Variants in UNC5A observed in about 807,000 individuals in gnomAD.
The protein encoded by UNC5A is unc-5 netrin receptor A, also known as netrin receptor UNC5A.
In UNC5A, 20 loss-of-function variants were observed where a neutral mutation model predicts 87.4. The ratio of observed to expected loss-of-function variants is 0.23; its 90% CI spans 0.16 to 0.33. The LOEUF is 0.33. Among genes scored for constraint, UNC5A ranks in the 10% least tolerant of loss-of-function variants. The pLI is 1.00. For synonymous variants in UNC5A, 438 were observed against 482.3 expected (o/e 0.91, Z 1.20); for missense variants, 844 against 1,133.4 (o/e 0.74, Z 3.67).
rs774627984 is a variant in UNC5A, at chr5:176,848,252, A to G, written c.71-14372A>G. Among the ~76,000 whole-genome samples the G allele has an allele frequency of 1.3e-3, 193 of 151,776 alleles. 1 individual carries two copies. Among genetic ancestry groups the G allele is most frequent in the Non-Finnish European group, 7.4e-4 (50 of 67,914 alleles). On this transcript the variant is annotated intron_variant, in intron 1 of 14. Coordinates refer to ENST00000329542, the MANE Select transcript of UNC5A (RefSeq NM_133369.3). This position sits in a 1 kb window ranked among gnomAD's most constrained non-coding sequence, Gnocchi z 5.8. ...CTTTAGGGACCCTTGGGGAGGGGGT[A>G]CCCCAGCTTCTCTCTCCCCTGCTAC...
chr5:176,854,868 T>A (rs1757629057), intron 1 of UNC5A, among the ~76,000 whole-genome samples: 1 of 152,218 alleles, frequency 6.6e-6, no homozygotes, highest in African/African-American at 2.4e-5. Flanking sequence ...TTCAAGGCAC[T>A]GGGGTGACTT....
At chr5:176,868,470 G>A in intron 3 of UNC5A, 91 bp from the exon 4 acceptor site, 2 of 1,476,466 alleles carry the variant, frequency 1.4e-6, no homozygotes, top group South Asian at 2.5e-5. Flanking sequence ...TCTGCCATGT[G>A]CCACGGCCCC....
At chr5:176,820,413 A>G (rs1261522743) in intron 1 of UNC5A, among the ~76,000 whole-genome samples, 1 of 152,024 alleles carries the variant, frequency 6.6e-6, no homozygotes, top group Non-Finnish European at 1.5e-5. Context: ...AAAAGAAAAG[A>G]AAGAAAGAAA....
At chr5:176,868,510 T>C (rs1406975490) in intron 3 of UNC5A, 51 bp from the exon 4 acceptor site, 10 of 1,547,446 alleles carry the variant, frequency 6.5e-6, no homozygotes, top group Non-Finnish European at 7.9e-6. Flanking sequence ...CCAGCCAGGC[T>C]GAGCCTGTGC....
At position 176,874,086 on chromosome 5, in the gene UNC5A, C is replaced by A; in HGVS notation, c.1005C>A (p.Asp335Glu). Residue 335 changes from aspartate (D) to glutamate (E), a missense_variant, in exon 7 of 15, where the codon GAC (aspartate) becomes GAA (glutamate). Physicochemically the swap from Asp to Glu is conservative, Grantham distance 45 (BLOSUM62 2). This residue lies in a region of UNC5A where 353 missense variants were observed against 387.5 expected (regional missense o/e 0.91). Coordinates refer to ENST00000329542, the MANE Select transcript of UNC5A (RefSeq NM_133369.3). The surrounding 1 kb of genome is among the most constrained non-coding windows in gnomAD (Gnocchi z 7.6). Reference protein sequence around the residue: ...LVYCRKKEGLDSDVADSSILT... With the variant: ...LVYCRKKEGLESDVADSSILT... ...ATTGCCGGAAGAAGGAGGGGCTGGA[C>A]TCAGATGTGGCTGACTCGTCCATTC... 1.2e-6 allele frequency: 2 copies of A among 1,614,094 alleles called. No homozygotes were observed. Among genetic ancestry groups the A allele is most frequent in the South Asian group, 1.1e-5 (1 of 91,088 alleles).
chr5:176,878,712 C>T, intron 13 of UNC5A, 73 bp downstream of exon 13: 1 of 1,501,256 alleles, frequency 6.7e-7, no homozygotes, highest in Non-Finnish European at 9.0e-7. Context: ...CCAAAACGCT[C>T]CTGCCCTGCC....
intron 1 of UNC5A, among the ~76,000 whole-genome samples, chr5:176,830,560 T>C (rs1020662223): frequency 9.5e-5 from 3 of 31,430 alleles, no homozygotes; most frequent in African/African-American, 1.5e-4. Flanking sequence ...GCATGTGTCC[T>C]GGTGTGTGTG....
chr5:176,833,588 C>T (rs1757075723), intron 1 of UNC5A, among the ~76,000 whole-genome samples: 1 of 152,206 alleles, frequency 6.6e-6, no homozygotes, highest in South Asian at 2.1e-4. Context: ...TGGGGCCTCC[C>T]TAGGCACCTG....
intron 8 of UNC5A, among the ~76,000 whole-genome samples, chr5:176,876,020 A>T (rs1476735665): frequency 6.6e-6 from 1 of 152,172 alleles, no homozygotes; most frequent in African/African-American, 2.4e-5. Flanking sequence ...TTCGCTCCCC[A>T]GGCCGGGGGG....
At chr5:176,856,888 G>T (rs1322141803) in intron 1 of UNC5A, among the ~76,000 whole-genome samples, 3 of 152,124 alleles carry the variant, frequency 2.0e-5, no homozygotes, top group Non-Finnish European at 4.4e-5. Context: ...AAGGCCCCTG[G>T]GGTCCAGCCC....
chr5:176,861,597 A>G (rs1757842069), intron 1 of UNC5A, among the ~76,000 whole-genome samples: 1 of 152,004 alleles, frequency 6.6e-6, no homozygotes, highest in African/African-American at 2.4e-5. Context: ...TGGGTTTTGG[A>G]TCACCCGTGG....
intron 1 of UNC5A, among the ~76,000 whole-genome samples, chr5:176,831,894 T>G (rs1211713938): frequency 1.3e-4 from 1 of 7,450 alleles, no homozygotes; most frequent in Non-Finnish European, 3.9e-3. Flanking sequence ...TCTTTTTTTT[T>G]TTTTTTTTTT....
chr5:176,818,876 C>T (rs2113584509), intron 1 of UNC5A, among the ~76,000 whole-genome samples: 1 of 152,324 alleles, frequency 6.6e-6, no homozygotes, highest in South Asian at 2.1e-4. Flanking sequence ...GTCCAGGCCA[C>T]CAGACGTTGA....
Position 176,880,005 on chromosome 5 carries a change from G to A in UNC5A, c.*119G>A, listed in dbSNP as rs940117455. ...GAGCTGCTCGGACAGGCCCCCTCCC[G>A]GCCGAAGCTGTCCCTTAATGCTGGT... On this transcript the variant is annotated 3_prime_UTR_variant, in exon 15 of 15. Coordinates refer to ENST00000329542, the MANE Select transcript of UNC5A (RefSeq NM_133369.3). 41 of 1,328,240 alleles carry A rather than the reference G, an allele frequency of 3.1e-5. No homozygotes were observed. The highest frequency in any genetic ancestry group is 4.4e-5 in the African/African-American group (3 of 67,722). The allele number at this position is 1,328,240 out of a possible 1,614,324, so 82.3% of individuals were successfully genotyped here. A position where few individuals can be genotyped will look rare whatever the true frequency, so the allele number is the denominator to read the frequency against.
Position 176,865,962 on chromosome 5 carries a change from C to T in UNC5A, c.293-2168C>T, listed in dbSNP as rs1257621153. On this transcript the variant is annotated intron_variant, in intron 2 of 14. Transcript: ENST00000329542. The surrounding 1 kb of genome is among the most constrained non-coding windows in gnomAD (Gnocchi z 5.3). ...ACTGGAGTCCGGTCTGGGAGTATAA[C>T]TTATTTTGTGTTAAACAAACTGATT... Among the ~76,000 whole-genome samples, 1 of 152,224 alleles carries T rather than the reference C, an allele frequency of 6.6e-6. No individual in the cohort carries two copies. The highest frequency in any genetic ancestry group is 1.5e-5 in the Non-Finnish European group (1 of 68,038).
rs540717533 is a variant in UNC5A at position 176,875,555 on chromosome 5, C to T, written c.1378+989C>T. ...TGTCCTCCCTTGCTGCCTCTCCTGA[C>T]ACGGGCCACCAAACCCCTTACCTGG... On this transcript the variant is annotated intron_variant, in intron 8 of 14. Transcript: ENST00000329542. The surrounding 1 kb of genome is among the most constrained non-coding windows in gnomAD (Gnocchi z 5.2). 1.3e-5 allele frequency among the ~76,000 whole-genome samples: 2 copies of T among 152,300 alleles called. No individual in the cohort carries two copies. The highest frequency in any genetic ancestry group is 4.8e-5 in the African/African-American group (2 of 41,558).
chr5:176,831,707 C>T (rs577416935), intron 1 of UNC5A, among the ~76,000 whole-genome samples: 1 of 152,156 alleles, frequency 6.6e-6, no homozygotes, highest in Non-Finnish European at 1.5e-5. Context: ...ACCTCCACCT[C>T]CCAGAGCTGA....
At chr5:176,815,391 G>A (rs777535126) in intron 1 of UNC5A, among the ~76,000 whole-genome samples, 3 of 152,224 alleles carry the variant, frequency 2.0e-5, no homozygotes, top group Admixed American at 6.5e-5. Flanking sequence ...GTCTCACCCC[G>A]TATTCTTGCC....
chr5:176,875,239 C>G lies in UNC5A; in HGVS notation c.1378+673C>G, dbSNP rs1020001823. 6.6e-6 allele frequency among the ~76,000 whole-genome samples: 1 copy of G among 152,176 alleles called. No homozygotes were observed. Among genetic ancestry groups the G allele is most frequent in the Non-Finnish European group, 1.5e-5 (1 of 68,038 alleles). ...TCTGTGCAGATAACTCCCACTCCCC[C>G]ATCCTTAGCCTGCAGTTCTCCCGGG... On this transcript the variant is annotated intron_variant, in intron 8 of 14. Coordinates refer to ENST00000329542, the MANE Select transcript of UNC5A (RefSeq NM_133369.3). This position sits in a 1 kb window ranked among gnomAD's most constrained non-coding sequence, Gnocchi z 5.2.
Sources: allele counts gnomAD v4.1 joint callset (sites outside exome capture counted in the v4.1 genomes callset), GRCh38; gene constraint gnomAD v4.1.1; regional missense constraint gnomAD v4.1.1; non-coding constraint Gnocchi (gnomAD v3.1); transcripts MANE v1.5; gene names NCBI Gene and HGNC (gene_info 2026-07-23, HGNC 2026-07-21).